TMEM87B: variants seen among roughly 807,000 people sequenced by gnomAD.
TMEM87B encodes the protein transmembrane protein 87B.
In TMEM87B, 83 loss-of-function variants were observed where a neutral mutation model predicts 80.3. The ratio of observed to expected loss-of-function variants is 1.03; its 90% CI spans 0.87 to 1.24. TMEM87B has a LOEUF of 1.24. Among genes scored for constraint, TMEM87B ranks in the 50% most tolerant of loss-of-function variants. The pLI, the probability that TMEM87B is intolerant of heterozygous loss-of-function variation, is 0.00. For synonymous variants in TMEM87B, 219 were observed against 230.5 expected, an observed-to-expected ratio of 0.95 and a Z score of 0.45; for missense variants, 625 against 674.4, an observed-to-expected ratio of 0.93 and a Z score of 0.81.
chr2:112,108,006 C>A (rs1287232798), intron 17 of TMEM87B, among the ~76,000 whole-genome samples, 166 bp downstream of exon 17: 1 of 152,116 alleles, frequency 6.6e-6, no homozygotes, highest in East Asian at 1.9e-4. Context: ...AAAACAAAAC[C>A]CTGGCTTGTT....
intron 6 of TMEM87B, among the ~76,000 whole-genome samples, chr2:112,080,250 TAA>T (rs1678951720): frequency 6.7e-6 from 1 of 148,668 alleles, no homozygotes. Context: ...CTTTTTTTTT[TAA>T]TTTTTTTTAT....
At chr2:112,067,150 T>C in intron 4 of TMEM87B, 83 bp downstream of exon 4, 1 of 1,535,272 alleles carries the variant, frequency 6.5e-7, no homozygotes, top group Non-Finnish European at 8.8e-7. Flanking sequence ...TTATCGGAAT[T>C]TTGATAAAGG....
At chr2:112,089,845 A>G (rs549960307) in intron 10 of TMEM87B, 127 bp downstream of exon 10, 19 of 820,744 alleles carry the variant, frequency 2.3e-5, no homozygotes, top group Non-Finnish European at 3.2e-5. Flanking sequence ...CTTTTCTTCT[A>G]TGGGATGTTT....
In TMEM87B at chr2:112,088,348, C is replaced by T. The variant is rs144706337; in HGVS notation, c.939-1277C>T. On this transcript the variant is annotated intron_variant, in intron 9 of 18. Transcript: ENST00000283206. Reference sequence around the variant, plus strand: ...TAAATGAATGGGTACAGATACAAACCCTTTTTAAATGAATCCCTTCACTGT... The same window carrying T: ...TAAATGAATGGGTACAGATACAAACTCTTTTTAAATGAATCCCTTCACTGT... Among the ~76,000 whole-genome samples, 731 of 152,234 alleles carry T rather than the reference C, an allele frequency of 4.8e-3. 4 individuals carry two copies. The highest frequency in any genetic ancestry group is 8.5e-3 in the Non-Finnish European group (575 of 68,018).
chr2:112,092,581 G>A (rs1290395507), intron 11 of TMEM87B, among the ~76,000 whole-genome samples: 2 of 152,188 alleles, frequency 1.3e-5, no homozygotes, highest in Non-Finnish European at 2.9e-5. Context: ...CCTTTGCAGT[G>A]GTCGAAAGAA....
chr2:112,099,551 T>C (rs866617610), intron 14 of TMEM87B, among the ~76,000 whole-genome samples: 1 of 121,168 alleles, frequency 8.3e-6, no homozygotes, highest in Non-Finnish European at 1.7e-5. Context: ...TATATATATA[T>C]ATATACACAC....
rs753593422 is a variant in TMEM87B, at chr2:112,089,780, G to T, written c.1032+62G>T. On this transcript the variant is annotated intron_variant, in intron 10 of 18. Coordinates refer to ENST00000283206, the MANE Select transcript of TMEM87B (RefSeq NM_032824.3). ...TTGCTGTGAAATGTGGTTTTACTTT[G>T]TATCTCCTGAGATGAATTTTTAGAT... is the stretch of plus-strand genomic sequence containing the variant. 158 of 1,484,046 alleles carry T rather than the reference G, an allele frequency of 1.1e-4. 1 individual carries two copies. Among genetic ancestry groups the T allele is most frequent in the Non-Finnish European group, 1.3e-4 (139 of 1,063,476 alleles). The allele number at this position is 1,484,046 out of a possible 1,614,324, so 91.9% of individuals were successfully genotyped here. A position where few individuals can be genotyped will look rare whatever the true frequency, so the allele number is the denominator to read the frequency against.
chr2:112,060,074 G>T (rs771314508), intron 2 of TMEM87B, 37 bp downstream of exon 2: 3 of 1,480,390 alleles, frequency 2.0e-6, no homozygotes, highest in African/African-American at 1.4e-5. Context: ...TAGACTGGGC[G>T]CAATGGCTCA....
At position 112,100,637 on chromosome 2, in the gene TMEM87B, C is replaced by G; in HGVS notation, c.1392C>G (p.Pro464=). 1 of 1,609,592 alleles carries G rather than the reference C, an allele frequency of 6.2e-7. No individual in the cohort carries two copies. The highest frequency in any genetic ancestry group is 1.1e-5 in the South Asian group (1 of 90,580). ...SANNQRYAFM[P]LIDDSDDEIE... is the part of the protein sequence containing the mutation. ...TTTGCTATAGATATGCCTTCATGCC[C>G]TTAATAGATGATTCTGATGATGAAA... Residue 464 remains proline, a synonymous_variant, in exon 15 of 19, where the codon CCC becomes CCG. Coordinates refer to ENST00000283206, the MANE Select transcript of TMEM87B (RefSeq NM_032824.3).
At chr2:112,084,779 T>G (rs897564493) in intron 8 of TMEM87B, among the ~76,000 whole-genome samples, 4 of 152,248 alleles carry the variant, frequency 2.6e-5, no homozygotes, top group Non-Finnish European at 5.9e-5. Context: ...TCTCTTAGTT[T>G]TCTGGAATAG....
chr2:112,067,213 C>A, intron 4 of TMEM87B, 146 bp downstream of exon 4: 2 of 1,086,630 alleles, frequency 1.8e-6, no homozygotes, highest in Non-Finnish European at 2.6e-6. Context: ...CCACTGAATA[C>A]AAGTATCAAC....
intron 2 of TMEM87B, among the ~76,000 whole-genome samples, chr2:112,060,663 A>G (rs1678228379): frequency 6.6e-6 from 1 of 151,072 alleles, no homozygotes; most frequent in Non-Finnish European, 1.5e-5. Context: ...CAGCCTCCCT[A>G]GTAGCTGAGA....
At chr2:112,071,209 C>T (rs984651222) in intron 4 of TMEM87B, among the ~76,000 whole-genome samples, 3 of 152,044 alleles carry the variant, frequency 2.0e-5, no homozygotes, top group Non-Finnish European at 4.4e-5. Context: ...AGTTCATTCA[C>T]CCCCTTGGTT....
At position 112,058,383 on chromosome 2, in the gene TMEM87B, G is replaced by A. The variant is rs559545855; in HGVS notation, c.166-1594G>A. Among the ~76,000 whole-genome samples the A allele has an allele frequency of 3.3e-5, 5 of 152,296 alleles. 1 individual carries two copies. In the South Asian group the frequency reaches 1.0e-3, roughly 32 times the overall value. The stretch of plus-strand genomic sequence containing the variant: ...AGTGAGCTAAGTTCAGGACTGGAGG[G>A]GGTAGTGAGGAATGTTGTGGACTAC... On this transcript the variant is annotated intron_variant, in intron 1 of 18. Coordinates refer to ENST00000283206, the MANE Select transcript of TMEM87B (RefSeq NM_032824.3).
chr2:112,074,242 G>C (rs188758515), intron 4 of TMEM87B, among the ~76,000 whole-genome samples: 80 of 152,208 alleles, frequency 5.3e-4, no homozygotes, highest in African/African-American at 1.9e-3. Context: ...TCTTTCAGGA[G>C]CTCTTGTAAG....
In TMEM87B at chr2:112,055,578, G is replaced by C. The variant is rs1406560539; in HGVS notation, c.-14G>C. 1 of 1,501,648 alleles carries C rather than the reference G, an allele frequency of 6.7e-7. No homozygotes were observed. The highest frequency in any genetic ancestry group is 1.3e-5 in the South Asian group (1 of 79,056). 93.0% of individuals were successfully genotyped at this position (1,501,648 alleles called of 1,614,324 possible). On this transcript the variant is annotated 5_prime_UTR_variant, in exon 1 of 19. Transcript: ENST00000283206. The stretch of plus-strand genomic sequence containing the variant: ...CAGGCGTCTCGGAGCGCCAGGTGCA[G>C]CTTCCTGGTCAAGATGGTCGCCGCC...
chr2:112,110,559 T>G (rs1679883389), intron 17 of TMEM87B, among the ~76,000 whole-genome samples: 1 of 152,156 alleles, frequency 6.6e-6, no homozygotes, highest in South Asian at 2.1e-4. Context: ...TATATGGAAT[T>G]GATTTTGTTT....
At chr2:112,093,076 A>G (rs1418793977) in intron 11 of TMEM87B, among the ~76,000 whole-genome samples, 1 of 151,870 alleles carries the variant, frequency 6.6e-6, no homozygotes, top group Non-Finnish European at 1.5e-5. Flanking sequence ...TTTCTCATCT[A>G]TGTGTCTCAT....
At chr2:112,057,333 GCA>G (rs1217109139) in intron 1 of TMEM87B, among the ~76,000 whole-genome samples, 2 of 152,198 alleles carry the variant, frequency 1.3e-5, no homozygotes, top group African/African-American at 4.8e-5. Flanking sequence ...GAGTGCAGTG[GCA>G]CAGTCATATG....
Sources: allele counts gnomAD v4.1 joint callset (sites outside exome capture counted in the v4.1 genomes callset), GRCh38; gene constraint gnomAD v4.1.1; transcripts MANE v1.5; gene names NCBI Gene and HGNC (gene_info 2026-07-23, HGNC 2026-07-21).